RNF19A: variants seen among roughly 807,000 people sequenced by gnomAD.
RNF19A encodes the protein E3 ubiquitin-protein ligase RNF19A.
A neutral mutation model predicts 75.7 loss-of-function variants in RNF19A; 32 were observed. The observed-to-expected ratio is 0.42, with a 90% confidence interval of 0.32 to 0.57. The LOEUF (loss-of-function observed/expected upper bound fraction) is 0.57, where lower values mean the gene tolerates loss of function less well. Ranked by LOEUF, RNF19A falls within the 20% of genes least tolerant of loss-of-function variation. RNF19A has a pLI of 0.10. For synonymous variants in RNF19A, 335 were observed against 345.2 expected, an observed-to-expected ratio of 0.97 and a Z score of 0.33; for missense variants, 782 against 1,036.3, an observed-to-expected ratio of 0.75 and a Z score of 3.37.
chr8:100,305,705 A>G (rs1822037849), intron 1 of RNF19A, among the ~76,000 whole-genome samples: 1 of 152,232 alleles, frequency 6.6e-6, no homozygotes, highest in African/African-American at 2.4e-5. Context: ...TGTCAGGCTT[A>G]TGCTAAGTGC....
chr8:100,304,086 A>T (rs1212999046), intron 1 of RNF19A, among the ~76,000 whole-genome samples: 1 of 152,120 alleles, frequency 6.6e-6, no homozygotes, highest in Non-Finnish European at 1.5e-5. Flanking sequence ...CCTCCCAAGT[A>T]GCTGGAACTG....
chr8:100,306,181 A>T (rs940819939), intron 1 of RNF19A, among the ~76,000 whole-genome samples: 5 of 152,192 alleles, frequency 3.3e-5, no homozygotes, highest in African/African-American at 4.8e-5. Flanking sequence ...ACATAATTTC[A>T]TGGGGCCAAC....
upstream of RNF19A, among the ~76,000 whole-genome samples, chr8:100,311,717 CAAAAAA>C (rs55695585): frequency 3.3e-5 from 3 of 89,934 alleles, no homozygotes; most frequent in Admixed American, 1.2e-4. Flanking sequence ...GACTCCGTCT[CAAAAAA>C]AAAAAAAAAA....
Position 100,264,580 on chromosome 8 carries a change from C to T in RNF19A, c.1306+91G>A. 2.4e-6 allele frequency: 2 copies of T among 848,210 alleles called. No individual in the cohort carries two copies. The highest frequency in any genetic ancestry group is 3.2e-5 in the South Asian group (2 of 62,336). 52.5% of individuals were successfully genotyped at this position (848,210 alleles called of 1,614,324 possible). On this transcript the variant is annotated intron_variant, in intron 6 of 9. Coordinates refer to ENST00000341084, the MANE Select transcript of RNF19A (RefSeq NM_183419.4). The surrounding 1 kb of genome is among the most constrained non-coding windows in gnomAD (Gnocchi z 4.7). The stretch of plus-strand genomic sequence containing the variant: ...TACTGCAGGCTCAATTTAAATTGTC[C>T]TCAAATTAAAAAACAATTAAAAAAA...
At chr8:100,296,252 G>A (rs771461632) in intron 1 of RNF19A, among the ~76,000 whole-genome samples, 1 of 152,046 alleles carries the variant, frequency 6.6e-6, no homozygotes, top group Non-Finnish European at 1.5e-5. Context: ...CTACAGGCAC[G>A]TGCCACCATG....
chr8:100,272,238 C>T (rs1219901551), intron 3 of RNF19A, among the ~76,000 whole-genome samples: 2 of 151,966 alleles, frequency 1.3e-5, no homozygotes, highest in Non-Finnish European at 2.9e-5. Context: ...AAAAAAGAGC[C>T]TCAAGTGGAT....
intron 3 of RNF19A, among the ~76,000 whole-genome samples, chr8:100,273,238 T>C (rs1296446343): frequency 6.6e-6 from 1 of 152,198 alleles, no homozygotes; most frequent in Non-Finnish European, 1.5e-5. Flanking sequence ...TGAGACTATT[T>C]ATTCCAACAA....
At chr8:100,309,049 TTTC>T (rs1822179310) in intron 1 of RNF19A, among the ~76,000 whole-genome samples, 1 of 152,194 alleles carries the variant, frequency 6.6e-6, no homozygotes, top group Non-Finnish European at 1.5e-5. Flanking sequence ...TAAACTTCTT[TTTC>T]TTCTTCCCAT....
At chr8:100,321,018 T>C (rs1822458790) in intron 1 of RNF19A, among the ~76,000 whole-genome samples, 1 of 152,236 alleles carries the variant, frequency 6.6e-6, no homozygotes, top group Admixed American at 6.5e-5. Flanking sequence ...CATAATCTTT[T>C]TGCTGGTGGA....
chr8:100,314,503 C>G (rs927509773), upstream of RNF19A, among the ~76,000 whole-genome samples: 1 of 152,166 alleles, frequency 6.6e-6, no homozygotes. The surrounding 1 kb of genome is among the most constrained non-coding windows in gnomAD (Gnocchi z 4.1). Context: ...CTGGCCCCTT[C>G]CCTGGTGTCA....
Position 100,258,333 on chromosome 8 carries a change from A to G in RNF19A, c.*223T>C. 1 of 459,186 alleles carries G rather than the reference A, an allele frequency of 2.2e-6. No individual in the cohort carries two copies. Among genetic ancestry groups the G allele is most frequent in the Non-Finnish European group, 3.8e-6 (1 of 262,060 alleles). 28.4% of individuals were successfully genotyped at this position (459,186 alleles called of 1,614,324 possible). ...ACACAAAACATGCTTTGCTCTTCAA[A>G]TTTATTATCCTTAAAATAATGCACT... On this transcript the variant is annotated 3_prime_UTR_variant, in exon 10 of 10. Transcript: ENST00000341084. The surrounding 1 kb of genome is among the most constrained non-coding windows in gnomAD (Gnocchi z 4.3).
chr8:100,274,669 G>GCTAC (rs1450224910), intron 3 of RNF19A, among the ~76,000 whole-genome samples: 20 of 152,274 alleles, frequency 1.3e-4, no homozygotes, highest in African/African-American at 4.6e-4. Context: ...ACAGGAGTGA[G>GCTAC]CTACCATACC....
intron 5 of RNF19A, among the ~76,000 whole-genome samples, chr8:100,265,919 T>A (rs971119101): frequency 6.6e-6 from 1 of 152,220 alleles, no homozygotes; most frequent in African/African-American, 2.4e-5. Context: ...TACCTTTCAT[T>A]ATCCTTCAGC....
chr8:100,294,105 C>T (rs1194597497), intron 1 of RNF19A, among the ~76,000 whole-genome samples: 2 of 152,168 alleles, frequency 1.3e-5, no homozygotes, highest in East Asian at 1.9e-4. Context: ...GGAGTCTTGA[C>T]ATGGAATGAA....
chr8:100,276,588 C>T (rs1820525243), intron 2 of RNF19A, among the ~76,000 whole-genome samples: 1 of 151,724 alleles, frequency 6.6e-6, no homozygotes, highest in Non-Finnish European at 1.5e-5. Context: ...CCCATCTCTA[C>T]AAAAAATATT....
chr8:100,264,906 T>C lies in RNF19A; in HGVS notation c.1192-121A>G. Reference sequence around the variant, plus strand: ...CATAGAAGTTCGTAGCTGAGTATCTTAGTTCAAGGTAAACCTACTAGTGTC... The same window carrying C: ...CATAGAAGTTCGTAGCTGAGTATCTCAGTTCAAGGTAAACCTACTAGTGTC... On this transcript the variant is annotated intron_variant, in intron 5 of 9. Transcript: ENST00000341084. This position sits in a 1 kb window ranked among gnomAD's most constrained non-coding sequence, Gnocchi z 4.7. 3 of 693,004 alleles carry C rather than the reference T, an allele frequency of 4.3e-6. No homozygotes were observed. Among genetic ancestry groups the C allele is most frequent in the Non-Finnish European group, 7.5e-6 (3 of 402,012 alleles). The allele number at this position is 693,004 out of a possible 1,614,324, so 42.9% of individuals were successfully genotyped here.
intron 5 of RNF19A, among the ~76,000 whole-genome samples, chr8:100,266,587 T>C (rs2132515759): frequency 6.6e-6 from 1 of 152,370 alleles, no homozygotes; most frequent in Non-Finnish European, 1.5e-5. Context: ...CACAGCTCAC[T>C]GTAGCCTCAA....
Position 100,269,877 on chromosome 8 carries a change from A to G in RNF19A, c.1020T>C (p.His340=), listed in dbSNP as rs548352643. 9.3e-6 allele frequency: 15 copies of G among 1,605,350 alleles called. No individual in the cohort carries two copies. The South Asian group carries it at 1.7e-4, about 18-fold the overall frequency. ...WLCMKEISDL[H]YLSPSGCTFW... ...TCCTTCTATAAGCTTACCTTAGATA[A>G]TGCAAATCTGAGATTTCTTTCATAC... The change falls in exon 4 of 10, where the codon CAT becomes CAC. Residue 340 remains histidine, a synonymous_variant. Transcript: ENST00000341084. This position sits in a 1 kb window ranked among gnomAD's most constrained non-coding sequence, Gnocchi z 5.7.
In RNF19A at chr8:100,259,856, G is replaced by C. The variant is rs1819631022; in HGVS notation, c.1824C>G (p.Asp608Glu). Residue 608 changes from aspartate (D) to glutamate (E), a missense_variant and splice_region_variant, in exon 9 of 10, where the codon GAC becomes GAG. Transcript: ENST00000341084. This position sits in a 1 kb window ranked among gnomAD's most constrained non-coding sequence, Gnocchi z 4.5. ...TTTTTTAACAGTTTTTTCCTTACTT[G>C]TCCAATGGGATGTAGGAATTCAGAA... is the stretch of plus-strand genomic sequence containing the variant. The part of the protein sequence containing the change: ...GSILNSYIPL[D>E]KEGNSMEVQV... 14 of 1,605,772 alleles carry C rather than the reference G, an allele frequency of 8.7e-6. No homozygotes were observed. Among genetic ancestry groups the C allele is most frequent in the African/African-American group, 1.3e-5 (1 of 74,324 alleles).
Sources: allele counts gnomAD v4.1 joint callset (sites outside exome capture counted in the v4.1 genomes callset), GRCh38; gene constraint gnomAD v4.1.1; non-coding constraint Gnocchi (gnomAD v3.1); transcripts MANE v1.5; gene names NCBI Gene and HGNC (gene_info 2026-07-23, HGNC 2026-07-21).